Variants in EIF2AK3 observed in about 807,000 individuals in gnomAD.
The protein encoded by EIF2AK3 is eukaryotic translation initiation factor 2 alpha kinase 3, also known as eukaryotic translation initiation factor 2-alpha kinase 3.
EIF2AK3 carries 50 observed loss-of-function variants against 113.5 expected under a neutral mutation model. That is an observed-to-expected ratio of 0.44 (90% confidence interval 0.35 to 0.56). The LOEUF (loss-of-function observed/expected upper bound fraction) is 0.56. EIF2AK3 is among the 20% of genes least tolerant of loss of function. The pLI is 0.00. For missense variants in EIF2AK3, 1,185 were observed against 1,378.0 expected, an observed-to-expected ratio of 0.86 and a Z score of 2.22; for synonymous variants, 448 against 495.4, an observed-to-expected ratio of 0.90 and a Z score of 1.27.
At chr2:88,561,244 A>G (rs1673948843) in intron 15 of EIF2AK3, among the ~76,000 whole-genome samples, 1 of 145,640 alleles carries the variant, frequency 6.9e-6, no homozygotes, top group Non-Finnish European at 1.5e-5. Context: ...GTGAGCCACC[A>G]TGCCTGGCCA....
At chr2:88,559,085 T>C in intron 15 of EIF2AK3, 106 bp from the exon 16 acceptor site, 1 of 732,462 alleles carries the variant, frequency 1.4e-6, no homozygotes, top group East Asian at 2.8e-5. Context: ...ATCTATCAAA[T>C]GGAAAATTTA....
chr2:88,574,850 C>G lies in EIF2AK3; in HGVS notation c.2633G>C (p.Ser878Thr), dbSNP rs746064190. ...TKNTTEKLQPSSPKVYLYIQM... is the reference protein window; with the variant it reads ...TKNTTEKLQPTSPKVYLYIQM... Reference sequence around the variant, plus strand: ...AATGTAAAGATACACCTTTGGTGAACTGGGCTGGAGTTTTTCTGTGGTGTT... The same window carrying G: ...AATGTAAAGATACACCTTTGGTGAAGTGGGCTGGAGTTTTTCTGTGGTGTT... The change falls in exon 13 of 17, where the codon AGT (serine) becomes ACT (threonine). Residue 878 changes from serine to threonine, a missense_variant. Around this residue, in one of 3 missense-constraint regions of EIF2AK3, gnomAD observed 877 missense variants for 1,024.2 expected, o/e 0.86. Transcript: ENST00000303236. 6 of 1,614,064 alleles carry G rather than the reference C, an allele frequency of 3.7e-6. No homozygotes were observed. The highest frequency in any genetic ancestry group is 1.3e-5 in the African/African-American group (1 of 74,924).
chr2:88,583,860 A>G (rs1449899061), intron 9 of EIF2AK3, among the ~76,000 whole-genome samples: 2 of 152,008 alleles, frequency 1.3e-5, no homozygotes, highest in Non-Finnish European at 2.9e-5. Flanking sequence ...GGGCAAGACT[A>G]GAGTGATTTC....
At chr2:88,564,515 C>T (rs1656497274) in intron 14 of EIF2AK3, among the ~76,000 whole-genome samples, 1 of 152,082 alleles carries the variant, frequency 6.6e-6, no homozygotes, top group Non-Finnish European at 1.5e-5. Context: ...CAGTTGTCAT[C>T]AACCTCTTCC....
chr2:88,616,575 C>T (rs752908210), intron 1 of EIF2AK3, among the ~76,000 whole-genome samples: 2 of 151,844 alleles, frequency 1.3e-5, no homozygotes, highest in Non-Finnish European at 2.9e-5. Flanking sequence ...TACAGGTGCC[C>T]GCCATCACAC....
chr2:88,627,010 C>A lies in EIF2AK3; in HGVS notation c.265G>T (p.Gly89Cys), dbSNP rs767999139. 3 of 1,608,060 alleles carry A rather than the reference C, an allele frequency of 1.9e-6. No homozygotes were observed. In the African/African-American group the frequency reaches 4.0e-5, roughly 22 times the overall value. The change falls in exon 1 of 17, where the codon GGT becomes TGT. Residue 89 changes from glycine to cysteine, a missense_variant. Gly to Cys is a radical substitution (Grantham distance 159). Coordinates refer to ENST00000303236, the MANE Select transcript of EIF2AK3 (RefSeq NM_004836.7). The stretch of plus-strand genomic sequence containing the variant: ...TCTGTCTCATCGTCTGGTTCCGGAC[C>A]CCGAGGCTCCTGCTCTCCCGCGGCT... ...PAAAGEQEPR[G>C]PEPDDETELR...
At chr2:88,618,728 T>G (rs540287539) in intron 1 of EIF2AK3, among the ~76,000 whole-genome samples, 2 of 152,354 alleles carry the variant, frequency 1.3e-5, no homozygotes, top group East Asian at 3.9e-4. Context: ...AGTAAATACT[T>G]TGGAGACTTC....
chr2:88,579,350 T>A (rs1302225210), intron 11 of EIF2AK3, among the ~76,000 whole-genome samples, 168 bp downstream of exon 11: 1 of 152,226 alleles, frequency 6.6e-6, no homozygotes, highest in East Asian at 1.9e-4. Context: ...CCTATAGAGA[T>A]AACAACTTTT....
intron 6 of EIF2AK3, among the ~76,000 whole-genome samples, chr2:88,589,780 G>A (rs1558654553): frequency 6.6e-6 from 1 of 151,832 alleles, no homozygotes; most frequent in Admixed American, 6.6e-5. Context: ...AACTCCTGGG[G>A]TCAAGCGATC....
intron 2 of EIF2AK3, among the ~76,000 whole-genome samples, chr2:88,605,359 C>T (rs1013508726): frequency 2.0e-5 from 3 of 152,100 alleles, no homozygotes; most frequent in East Asian, 1.9e-4. Flanking sequence ...CTAGAGAATA[C>T]CTGCTCCACA....
At chr2:88,578,057 C>T (rs1249146552) in intron 11 of EIF2AK3, among the ~76,000 whole-genome samples, 1 of 152,300 alleles carries the variant, frequency 6.6e-6, no homozygotes, top group South Asian at 2.1e-4. Context: ...GGGCAGAAAC[C>T]TTGCTCAGTT....
intron 2 of EIF2AK3, among the ~76,000 whole-genome samples, chr2:88,598,087 A>G (rs1193199964): frequency 6.6e-6 from 1 of 152,214 alleles, no homozygotes; most frequent in East Asian, 1.9e-4. Flanking sequence ...GCCACTGGCC[A>G]AATCTGGGAC....
intron 6 of EIF2AK3, 23 bp downstream of exon 6, chr2:88,590,420 T>C (rs1419516211): frequency 2.5e-6 from 4 of 1,612,552 alleles, no homozygotes; most frequent in Non-Finnish European, 3.4e-6. Flanking sequence ...TGTACTATCG[T>C]TAGATAAGAT....
rs199902769 is a variant in EIF2AK3 at position 88,595,676 on chromosome 2, C to G, written c.439-13G>C. ...TATTCCCAAATACCTAAAACAGAAG[C>G]TAACTTTTTAAAAGGGCCATAACAT... On this transcript the variant is annotated splice_polypyrimidine_tract_variant and intron_variant, in intron 2 of 16. Coordinates refer to ENST00000303236, the MANE Select transcript of EIF2AK3 (RefSeq NM_004836.7). The G allele has an allele frequency of 3.1e-6, 5 of 1,612,910 alleles. No individual in the cohort carries two copies. Among genetic ancestry groups the G allele is most frequent in the Non-Finnish European group, 4.2e-6 (5 of 1,179,104 alleles).
At chr2:88,619,216 C>T (rs1268292268) in intron 1 of EIF2AK3, among the ~76,000 whole-genome samples, 2 of 152,152 alleles carry the variant, frequency 1.3e-5, no homozygotes, top group Admixed American at 1.3e-4. Flanking sequence ...GTCTCGAGCT[C>T]CTGACCTCAG....
At chr2:88,624,034 C>T (rs1387243917) in intron 1 of EIF2AK3, among the ~76,000 whole-genome samples, 2 of 152,028 alleles carry the variant, frequency 1.3e-5, no homozygotes, top group Non-Finnish European at 2.9e-5. Context: ...TCTTGTTGCC[C>T]AGGCTGGAGT....
At chr2:88,563,200 T>A (rs1674011150) in intron 14 of EIF2AK3, among the ~76,000 whole-genome samples, 1 of 152,234 alleles carries the variant, frequency 6.6e-6, no homozygotes, top group South Asian at 2.1e-4. Context: ...TACCAGTACT[T>A]CTTAACTGGG....
chr2:88,595,502 CAG>C lies in EIF2AK3; in HGVS notation c.598_599del (p.Leu200AspfsTer9), dbSNP rs766432619. 2 of 1,614,016 alleles carry C rather than the reference CAG, an allele frequency of 1.2e-6. No individual in the cohort carries two copies. Among genetic ancestry groups the C allele is most frequent in the Non-Finnish European group, 1.7e-6 (2 of 1,179,964 alleles). On this transcript the variant is annotated frameshift_variant, in exon 3 of 17. Coordinates refer to ENST00000303236, the MANE Select transcript of EIF2AK3 (RefSeq NM_004836.7). LOFTEE classifies it high-confidence loss of function. ...DDVVLVGGKSLTTYGLSAYSG... is the reference protein window; with the variant it reads ...DDVVLVGGKSXTTYGLSAYSG... ...TATATGCACTGAGTCCATATGTAGT[CAG>C]AGATTTTCCTCCAACCAAAACAACA...
At chr2:88,590,366 G>A (rs1428712891) in intron 6 of EIF2AK3, 77 bp downstream of exon 6, 1 of 1,493,306 alleles carries the variant, frequency 6.7e-7, no homozygotes, top group Non-Finnish European at 9.3e-7. Flanking sequence ...AGGCACTCCT[G>A]AAGTAGGAAG....
Sources: allele counts gnomAD v4.1 joint callset (sites outside exome capture counted in the v4.1 genomes callset), GRCh38; gene constraint gnomAD v4.1.1; regional missense constraint gnomAD v4.1.1; transcripts MANE v1.5; gene names NCBI Gene and HGNC (gene_info 2026-07-23, HGNC 2026-07-21).